FANCL: variants seen among roughly 807,000 people sequenced by gnomAD.
FANCL encodes FA complementation group L.
In FANCL, 69 loss-of-function variants were observed where a neutral mutation model predicts 59.4. The ratio of observed to expected loss-of-function variants is 1.16; its 90% CI spans 0.96 to 1.42. The LOEUF is 1.42. Ranked by LOEUF, FANCL falls within the 40% of genes most tolerant of loss-of-function variation. The pLI, the probability that FANCL is intolerant of heterozygous loss-of-function variation, is 0.00. For missense variants in FANCL, 519 were observed against 447.2 expected (o/e 1.16, Z -1.45); for synonymous variants, 180 against 147.1 (o/e 1.22, Z -1.62).
chr2:58,182,677 A>T (rs1475885594), intron 7 of FANCL, among the ~76,000 whole-genome samples: 1 of 151,754 alleles, frequency 6.6e-6, no homozygotes, highest in Non-Finnish European at 1.5e-5. Flanking sequence ...TGAAGAATGC[A>T]ATCCTCACTT....
intron 7 of FANCL, among the ~76,000 whole-genome samples, chr2:58,167,713 A>G (rs1368253708): frequency 6.6e-6 from 1 of 152,204 alleles, no homozygotes; most frequent in Non-Finnish European, 1.5e-5. Context: ...TTTAAACCCT[A>G]AAAGCCATTA....
chr2:58,161,450 T>C (rs1458052989), intron 12 of FANCL, 72 bp downstream of exon 12: 1 of 956,842 alleles, frequency 1.0e-6, no homozygotes, highest in Non-Finnish European at 1.7e-6. Context: ...TTAGATTCTG[T>C]GTATTTCAAA....
At chr2:58,173,344 C>A (rs1252222451) in intron 7 of FANCL, among the ~76,000 whole-genome samples, 1 of 152,044 alleles carries the variant, frequency 6.6e-6, no homozygotes, top group Non-Finnish European at 1.5e-5. Context: ...TCAGATTCAC[C>A]AAAGTTGAAA....
chr2:58,217,194 A>T (rs1456374392), intron 5 of FANCL, among the ~76,000 whole-genome samples: 15 of 4,898 alleles, frequency 3.1e-3, no homozygotes, highest in African/African-American at 0.021. Flanking sequence ...ATATATATAT[A>T]TATATATATA....
At chr2:58,176,281 T>G (rs925089111) in intron 7 of FANCL, among the ~76,000 whole-genome samples, 9 of 152,120 alleles carry the variant, frequency 5.9e-5, no homozygotes, top group African/African-American at 2.2e-4. Context: ...AAAATCTACT[T>G]TAAAGTTCAT....
intron 3 of FANCL, among the ~76,000 whole-genome samples, chr2:58,229,118 T>C (rs1001961242): frequency 2.0e-5 from 3 of 152,184 alleles, no homozygotes; most frequent in African/African-American, 4.8e-5. Context: ...GTTACTGTGA[T>C]TGTCAGTTAT....
intron 5 of FANCL, among the ~76,000 whole-genome samples, chr2:58,215,909 G>C (rs1430264741): frequency 6.6e-6 from 1 of 151,766 alleles, no homozygotes; most frequent in Non-Finnish European, 1.5e-5. Context: ...TGAAAAACAA[G>C]ATTTAGAAAG....
rs1685417966 is a variant in FANCL, at chr2:58,162,899, A to C, written c.870T>G (p.Ile290Met). 2 of 1,612,798 alleles carry C rather than the reference A, an allele frequency of 1.2e-6. No individual in the cohort carries two copies. The highest frequency in any genetic ancestry group is 1.7e-6 in the Non-Finnish European group (2 of 1,179,190). ...VLQNLKDVLE[I>M]DFPARAILEK... ...CCAGGATAGCACGAGCTGGAAAATC[A>C]ATTTCTAAAACATCTTTCAAATTTT... The change falls in exon 11 of 14, where the codon ATT becomes ATG. Residue 290 changes from isoleucine (I) to methionine (M), a missense_variant. Transcript: ENST00000233741.
intron 5 of FANCL, among the ~76,000 whole-genome samples, chr2:58,211,382 C>T (rs184984034): frequency 4.6e-5 from 7 of 152,314 alleles, no homozygotes; most frequent in Non-Finnish European, 7.4e-5. Flanking sequence ...CTAGCCTGCA[C>T]ACAGTGCTGG....
At position 58,159,539 on chromosome 2, in the gene FANCL, G is replaced by A; in HGVS notation, c.*226C>T. The A allele has an allele frequency of 1.2e-6, 2 of 1,613,760 alleles. No individual in the cohort carries two copies. Among genetic ancestry groups the A allele is most frequent in the South Asian group, 2.2e-5 (2 of 91,058 alleles). On this transcript the variant is annotated 3_prime_UTR_variant, in exon 14 of 14. Transcript: ENST00000233741. Reference sequence around the variant, plus strand: ...TGGTATAAATACACTTCCACAGTCAGCACGGGGATCACAGACTTAGAAAGT... The same window carrying A: ...TGGTATAAATACACTTCCACAGTCAACACGGGGATCACAGACTTAGAAAGT...
At chr2:58,236,317 AGT>A (rs1694018067) in intron 1 of FANCL, among the ~76,000 whole-genome samples, 1 of 152,052 alleles carries the variant, frequency 6.6e-6, no homozygotes, top group African/African-American at 2.4e-5. Context: ...AGTGCAAGAC[AGT>A]GAAGTAACAT....
At chr2:58,225,797 T>G (rs1014955851) in intron 4 of FANCL, among the ~76,000 whole-genome samples, 3 of 152,044 alleles carry the variant, frequency 2.0e-5, no homozygotes, top group Non-Finnish European at 4.4e-5. Context: ...CTAATTTGTT[T>G]TATTCAACAA....
intron 9 of FANCL, 127 bp from the exon 10 acceptor site, chr2:58,163,201 AAC>A: frequency 1.1e-6 from 1 of 873,070 alleles, no homozygotes; most frequent in South Asian, 1.6e-5. Context: ...TATGTTAAAA[AAC>A]AAAATTATAC....
At chr2:58,198,036 TGTGTGTGTGCG>T (rs1689604663) in intron 7 of FANCL, among the ~76,000 whole-genome samples, 1 of 147,752 alleles carries the variant, frequency 6.8e-6, no homozygotes, top group African/African-American at 2.4e-5. Flanking sequence ...ATGGTGTGTG[TGTGTGTGTGCG>T]TGTGTGTGTG....
intron 7 of FANCL, among the ~76,000 whole-genome samples, chr2:58,187,115 CAT>C (rs1225678875): frequency 2.0e-5 from 3 of 152,082 alleles, no homozygotes; most frequent in African/African-American, 7.2e-5. Flanking sequence ...CACATGCACA[CAT>C]ATGTTTATTG....
intron 7 of FANCL, among the ~76,000 whole-genome samples, chr2:58,182,160 C>A (rs1242487845): frequency 1.3e-5 from 2 of 151,770 alleles, no homozygotes; most frequent in African/African-American, 4.8e-5. Context: ...TAAGAAACCA[C>A]AGAAATATTA....
intron 7 of FANCL, among the ~76,000 whole-genome samples, chr2:58,171,943 C>G (rs1686676802): frequency 1.3e-5 from 2 of 152,226 alleles, no homozygotes; most frequent in Admixed American, 6.5e-5. Context: ...AACGGCACAC[C>G]AGGAGATTAC....
intron 7 of FANCL, among the ~76,000 whole-genome samples, chr2:58,171,900 C>A (rs1043408225): frequency 6.6e-6 from 1 of 152,214 alleles, no homozygotes; most frequent in African/African-American, 2.4e-5. Context: ...GTCACTCCCA[C>A]CCCAATACTG....
chr2:58,223,995 A>G (rs1692727189), intron 4 of FANCL, among the ~76,000 whole-genome samples: 1 of 151,924 alleles, frequency 6.6e-6, no homozygotes, highest in Admixed American at 6.6e-5. Context: ...GAGCAATAAA[A>G]TCACCAAATT....
Sources: allele counts gnomAD v4.1 joint callset (sites outside exome capture counted in the v4.1 genomes callset), GRCh38; gene constraint gnomAD v4.1.1; transcripts MANE v1.5; gene names NCBI Gene and HGNC (gene_info 2026-07-23, HGNC 2026-07-21).